GRIK1: variants seen among roughly 807,000 people sequenced by gnomAD.
The protein encoded by GRIK1 is glutamate ionotropic receptor kainate type subunit 1.
GRIK1 carries 69 observed loss-of-function variants against 105.7 expected under a neutral mutation model. The ratio of observed to expected loss-of-function variants is 0.65; its 90% confidence interval spans 0.54 to 0.80. GRIK1 has a LOEUF of 0.80. Among genes scored for constraint, GRIK1 ranks in the 30% least tolerant of loss-of-function variants. The pLI is 0.00. For missense variants in GRIK1, 1,109 were observed against 1,167.3 expected (o/e 0.95, Z 0.73); for synonymous variants, 438 against 431.3 (o/e 1.02, Z -0.19).
At chr21:29,721,551 T>A (rs2064322451) in intron 1 of GRIK1, among the ~76,000 whole-genome samples, 2 of 141,286 alleles carry the variant, frequency 1.4e-5, no homozygotes, top group East Asian at 2.1e-4. Flanking sequence ...TAAAAAGCAA[T>A]CAATGGACAA....
intron 13 of GRIK1, among the ~76,000 whole-genome samples, chr21:29,577,966 G>A (rs2090935073): frequency 6.6e-6 from 1 of 152,190 alleles, no homozygotes; most frequent in Admixed American, 6.5e-5. Context: ...GGCACTTAAT[G>A]TGTTTTCCAA....
At chr21:29,542,054 T>C (rs954878966) in intron 16 of GRIK1, among the ~76,000 whole-genome samples, 5 of 147,940 alleles carry the variant, frequency 3.4e-5, no homozygotes, top group Non-Finnish European at 7.6e-5. Context: ...TGTGTGTGTG[T>C]GACCTTTCCT....
At chr21:29,880,052 C>A (rs1156660602) in intron 1 of GRIK1, among the ~76,000 whole-genome samples, 1 of 152,046 alleles carries the variant, frequency 6.6e-6, no homozygotes, top group Non-Finnish European at 1.5e-5. Context: ...TTTCAGAATA[C>A]GATTTGTATA....
intron 15 of GRIK1, among the ~76,000 whole-genome samples, chr21:29,559,521 T>C (rs1279007614): frequency 6.6e-6 from 1 of 152,212 alleles, no homozygotes; most frequent in Non-Finnish European, 1.5e-5. Context: ...AGCAAGAAGG[T>C]AGCTGTAAAT....
chr21:29,776,113 ACT>A (rs2065937465), intron 1 of GRIK1, among the ~76,000 whole-genome samples: 1 of 152,184 alleles, frequency 6.6e-6, no homozygotes, highest in African/African-American at 2.4e-5. Context: ...GAACTCTCTC[ACT>A]GTCATGAATA....
chr21:29,905,619 A>ATTTTTT (rs869179451), intron 1 of GRIK1, among the ~76,000 whole-genome samples: 109 of 72,582 alleles, frequency 1.5e-3, no homozygotes, highest in East Asian at 3.1e-3. Flanking sequence ...CAAATTTTGT[A>ATTTTTT]TTTTTTTTTT....
chr21:29,693,375 C>T (rs985081271), intron 2 of GRIK1, among the ~76,000 whole-genome samples: 4 of 152,040 alleles, frequency 2.6e-5, no homozygotes, highest in Admixed American at 6.5e-5. Flanking sequence ...AAAAGAGGAT[C>T]GGATGTAGAC....
intron 1 of GRIK1, among the ~76,000 whole-genome samples, chr21:29,864,973 A>G (rs890352609): frequency 2.0e-5 from 3 of 152,200 alleles, no homozygotes; most frequent in African/African-American, 7.2e-5. Flanking sequence ...GCATCCTACA[A>G]CATTCAGAAC....
Position 29,580,077 on chromosome 21 carries a change from G to GTATA in GRIK1, c.1912+1344_1912+1347dup, listed in dbSNP as rs1283322578. On this transcript the variant is annotated intron_variant, in intron 13 of 17. Coordinates refer to ENST00000327783, the MANE Select transcript of GRIK1 (RefSeq NM_001330994.2). ...TGTATATATATATGTGTATATATAT[G>GTATA]TATATGTGTGTGTATATATATGTGT... is the stretch of plus-strand genomic sequence containing the variant. 1.9e-3 allele frequency among the ~76,000 whole-genome samples: 266 copies of GTATA among 141,564 alleles called. 1 individual carries two copies. The highest frequency in any genetic ancestry group is 6.5e-3 in the African/African-American group (251 of 38,510). 92.9% of individuals were successfully genotyped at this position (141,564 alleles called of 152,430 possible).
intron 1 of GRIK1, among the ~76,000 whole-genome samples, chr21:29,796,841 C>T (rs1034563614): frequency 2.0e-5 from 3 of 151,878 alleles, no homozygotes; most frequent in African/African-American, 4.8e-5. Context: ...CCCAGCTACT[C>T]GAGAAGCTGA....
At chr21:29,648,113 A>G (rs1159049041) in intron 6 of GRIK1, among the ~76,000 whole-genome samples, 2 of 152,194 alleles carry the variant, frequency 1.3e-5, no homozygotes, top group Admixed American at 6.5e-5. Context: ...GAAATATTAG[A>G]GAGAAAAATA....
intron 15 of GRIK1, among the ~76,000 whole-genome samples, chr21:29,559,235 A>C (rs2090333403): frequency 6.6e-6 from 1 of 152,190 alleles, no homozygotes; most frequent in African/African-American, 2.4e-5. Flanking sequence ...TGGCCCGTTT[A>C]ACTAAAATCA....
At chr21:29,778,322 T>A (rs1206265968) in intron 1 of GRIK1, among the ~76,000 whole-genome samples, 2 of 152,338 alleles carry the variant, frequency 1.3e-5, no homozygotes, top group Non-Finnish European at 2.9e-5. Context: ...AGCCGATTTG[T>A]TGTTTTCTCA....
chr21:29,541,363 A>C (rs1178868614), intron 16 of GRIK1, among the ~76,000 whole-genome samples: 1 of 152,160 alleles, frequency 6.6e-6, no homozygotes, highest in African/African-American at 2.4e-5. Context: ...ACACCGGGCA[A>C]GGTATTTATT....
At chr21:29,765,127 C>A (rs938781058) in intron 1 of GRIK1, among the ~76,000 whole-genome samples, 1 of 152,194 alleles carries the variant, frequency 6.6e-6, no homozygotes, top group Admixed American at 6.5e-5. Context: ...CTGCCTCTGG[C>A]AGAGCCACAT....
intron 7 of GRIK1, among the ~76,000 whole-genome samples, chr21:29,600,309 T>G (rs73350409): frequency 0.021 from 3,186 of 152,186 alleles, 100 homozygotes; most frequent in African/African-American, 0.073. Context: ...ACCCTACATA[T>G]CAACATCATT....
chr21:29,643,079 G>A, intron 6 of GRIK1, 110 bp from the exon 7 acceptor site: 2 of 1,032,578 alleles, frequency 1.9e-6, no homozygotes, highest in Non-Finnish European at 2.9e-6. Context: ...GATCTCAAAG[G>A]CCATTTACTC....
chr21:29,767,999 T>C (rs2065717383), intron 1 of GRIK1, among the ~76,000 whole-genome samples: 1 of 152,176 alleles, frequency 6.6e-6, no homozygotes, highest in Non-Finnish European at 1.5e-5. Context: ...TAAAACTATT[T>C]TTAAGCGCTG....
chr21:29,665,549 TAAGA>T, intron 4 of GRIK1, among the ~76,000 whole-genome samples: 1 of 152,234 alleles, frequency 6.6e-6, no homozygotes, highest in Non-Finnish European at 1.5e-5. Context: ...GGAGAAACTT[TAAGA>T]AAGAATGAAC....
Sources: allele counts gnomAD v4.1 joint callset (sites outside exome capture counted in the v4.1 genomes callset), GRCh38; gene constraint gnomAD v4.1.1; transcripts MANE v1.5; gene names NCBI Gene and HGNC (gene_info 2026-07-23, HGNC 2026-07-21).